TYW1B: variants seen among roughly 807,000 people sequenced by gnomAD.
The protein encoded by TYW1B is tRNA-yW synthesizing protein 1 homolog B, also known as S-adenosyl-L-methionine-dependent tRNA 4-demethylwyosine synthase TYW1B.
A neutral mutation model predicts 86.9 loss-of-function variants in TYW1B; 73 were observed. The observed-to-expected ratio is 0.84, with a 90% CI of 0.70 to 1.02. The LOEUF (loss-of-function observed/expected upper bound fraction) is 1.02. TYW1B is among the 50% of genes least tolerant of loss of function. The probability of loss-of-function intolerance (pLI) is 0.00; values close to 1 mark genes in which losing one functional copy is unlikely to be tolerated. For missense variants in TYW1B, 637 were observed against 827.4 expected, an observed-to-expected ratio of 0.77 and a Z score of 2.82; for synonymous variants, 248 against 292.8, an observed-to-expected ratio of 0.85 and a Z score of 1.56.
At chr7:72,724,896 CAT>C (rs1786970185) in intron 9 of TYW1B, among the ~76,000 whole-genome samples, 1 of 152,172 alleles carries the variant, frequency 6.6e-6, no homozygotes, top group South Asian at 2.1e-4. Flanking sequence ...TTCATGCATC[CAT>C]AGACGTGCTC....
chr7:72,746,102 G>A (rs1787389680), intron 7 of TYW1B, among the ~76,000 whole-genome samples: 1 of 152,000 alleles, frequency 6.6e-6, no homozygotes, highest in Non-Finnish European at 1.5e-5. Context: ...GACCTCAAGT[G>A]ATCTGCCCGC....
rs1481439185 is a variant in TYW1B, at chr7:72,638,793, G to T, written c.1507-9796C>A. On this transcript the variant is annotated intron_variant, in intron 11 of 13. Coordinates refer to ENST00000620995, the MANE Select transcript of TYW1B (RefSeq NM_001145440.3). ...CAATCTTAACAACCAGATGTTGTGT[G>T]CCACTTGATTGATGCACTAGGGAAC... Among the ~76,000 whole-genome samples the T allele has an allele frequency of 2.6e-5, 4 of 152,206 alleles. No homozygotes were observed. In the East Asian group the frequency reaches 7.7e-4, roughly 29 times the overall value.
chr7:72,610,456 G>A (rs1403859716), intron 13 of TYW1B, among the ~76,000 whole-genome samples: 3 of 151,936 alleles, frequency 2.0e-5, no homozygotes, highest in African/African-American at 7.2e-5. Context: ...TTAGAGGCCA[G>A]GGAGTCATGC....
chr7:72,684,875 C>G (rs1396296124), intron 11 of TYW1B, among the ~76,000 whole-genome samples: 1 of 152,010 alleles, frequency 6.6e-6, no homozygotes, highest in African/African-American at 2.4e-5. Context: ...CTTTGGGAGG[C>G]CGAGGAAGGC....
intron 10 of TYW1B, among the ~76,000 whole-genome samples, chr7:72,709,267 T>G (rs1251258293): frequency 6.6e-6 from 1 of 152,250 alleles, no homozygotes; most frequent in Non-Finnish European, 1.5e-5. Context: ...CTACATATTC[T>G]GTCTTGTTCC....
rs187843794 is a variant in TYW1B at position 72,738,852 on chromosome 7, C to T, written c.1082+5632G>A. Among the ~76,000 whole-genome samples the T allele has an allele frequency of 3.5e-4, 54 of 152,170 alleles. 1 individual carries two copies. The East Asian group carries it at 8.1e-3, about 23-fold the overall frequency. The stretch of plus-strand genomic sequence containing the variant: ...TTGGGAGGCTAAGAGGGGAGGATTG[C>T]TTCAGGCCAAGAGTTCGAGACCAGC... On this transcript the variant is annotated intron_variant, in intron 8 of 13. Transcript: ENST00000620995.
intron 11 of TYW1B, among the ~76,000 whole-genome samples, chr7:72,677,121 CTCTG>C (rs782208774): frequency 2.6e-5 from 4 of 152,158 alleles, no homozygotes; most frequent in Non-Finnish European, 4.4e-5. Flanking sequence ...CTTTCTCTCT[CTCTG>C]TATGTATGTA....
chr7:72,722,307 A>G (rs1554457698), intron 9 of TYW1B, among the ~76,000 whole-genome samples: 1 of 152,192 alleles, frequency 6.6e-6, no homozygotes, highest in African/African-American at 2.4e-5. Context: ...GCAATAAATG[A>G]GGTCTTTTTC....
At position 72,675,539 on chromosome 7, in the gene TYW1B, G is replaced by GTATATATATA. The variant is rs57288719; in HGVS notation, c.1506+19138_1506+19147dup. Among the ~76,000 whole-genome samples the GTATATATATA allele has an allele frequency of 8.3e-3, 1,201 of 144,498 alleles. 12 individuals are homozygous for GTATATATATA. The highest frequency in any genetic ancestry group is 0.015 in the Middle Eastern group (4 of 268). 94.8% of individuals were successfully genotyped at this position (144,498 alleles called of 152,430 possible). On this transcript the variant is annotated intron_variant, in intron 11 of 13. Coordinates refer to ENST00000620995, the MANE Select transcript of TYW1B (RefSeq NM_001145440.3). ...ATGTTGCCCTAATACAGTGATGTCA[G>GTATATATATA]TATATATATATATATATACACACAT...
At chr7:72,690,408 C>T (rs1814118930) in intron 11 of TYW1B, among the ~76,000 whole-genome samples, 1 of 152,214 alleles carries the variant, frequency 6.6e-6, no homozygotes, top group Non-Finnish European at 1.5e-5. Context: ...CCCACATACT[C>T]AAGTACCAAT....
intron 13 of TYW1B, among the ~76,000 whole-genome samples, chr7:72,589,490 G>A (rs1224327801): frequency 6.6e-6 from 1 of 152,238 alleles, no homozygotes; most frequent in Non-Finnish European, 1.5e-5. Flanking sequence ...GTTTACCACT[G>A]AGTTCAGTAA....
intron 13 of TYW1B, among the ~76,000 whole-genome samples, chr7:72,586,638 G>C (rs1811283868): frequency 6.6e-6 from 1 of 152,156 alleles, no homozygotes; most frequent in Non-Finnish European, 1.5e-5. Flanking sequence ...GTAGGAGGCT[G>C]AGGCAGGAGA....
chr7:72,768,290 G>C (rs1787806750), intron 7 of TYW1B, among the ~76,000 whole-genome samples: 1 of 151,944 alleles, frequency 6.6e-6, no homozygotes, highest in Admixed American at 6.6e-5. Flanking sequence ...AGGTTGCTTA[G>C]GAGGAATCCG....
chr7:72,603,899 C>A (rs1172721059), intron 13 of TYW1B, among the ~76,000 whole-genome samples: 1 of 152,008 alleles, frequency 6.6e-6, no homozygotes, highest in Non-Finnish European at 1.5e-5. Flanking sequence ...ACTGCCACAC[C>A]AAGAGGAGCC....
intron 12 of TYW1B, among the ~76,000 whole-genome samples, chr7:72,621,025 GATGGGGGC>G (rs1244115459): frequency 6.6e-6 from 1 of 152,186 alleles, no homozygotes; most frequent in East Asian, 1.9e-4. Context: ...TGCCCTAGGA[GATGGGGGC>G]TGCCATACTG....
intron 7 of TYW1B, among the ~76,000 whole-genome samples, chr7:72,745,940 C>A (rs1270655270): frequency 6.6e-6 from 1 of 151,386 alleles, no homozygotes; most frequent in Admixed American, 6.6e-5. Flanking sequence ...TCTTGACTCA[C>A]TGCACCCTCT....
chr7:72,698,535 A>T (rs1814379314), intron 10 of TYW1B, among the ~76,000 whole-genome samples: 1 of 151,652 alleles, frequency 6.6e-6, no homozygotes, highest in African/African-American at 2.4e-5. Flanking sequence ...AATCCCAGCT[A>T]CTCAGGAGGC....
chr7:72,682,144 C>T (rs1216202491), intron 11 of TYW1B, among the ~76,000 whole-genome samples: 4 of 151,880 alleles, frequency 2.6e-5, no homozygotes, highest in African/African-American at 9.7e-5. Context: ...TCCCAAAGTG[C>T]TGGAATTAAA....
chr7:72,587,895 G>C (rs1489503507), intron 13 of TYW1B, among the ~76,000 whole-genome samples: 1 of 152,188 alleles, frequency 6.6e-6, no homozygotes, highest in Non-Finnish European at 1.5e-5. Flanking sequence ...GCAAGATGCA[G>C]TCAGTTAGGT....
Sources: gnomAD v4.1 joint callset for allele counts (sites outside exome capture counted in the v4.1 genomes callset) on GRCh38, gnomAD v4.1.1 for gene constraint, MANE v1.5 for transcripts, NCBI Gene and HGNC (gene_info 2026-07-23, HGNC 2026-07-21) for gene names.